The following HS6ST2 variants were observed in gnomAD, a reference collection of about 807,000 sequenced individuals.
The protein encoded by HS6ST2 is heparan sulfate 6-O-sulfotransferase 2, also known as heparan-sulfate 6-O-sulfotransferase 2.
HS6ST2 carries 17 observed loss-of-function variants against 33.0 expected under a neutral mutation model. That is an observed-to-expected ratio of 0.52 (90% CI 0.35 to 0.77). The LOEUF is 0.77. Ranked by LOEUF, HS6ST2 falls within the 30% of genes least tolerant of loss-of-function variation. The pLI, the probability that HS6ST2 is intolerant of heterozygous loss-of-function variation, is 0.01. For missense variants in HS6ST2, 519 were observed against 551.7 expected (o/e 0.94, Z 0.59); for synonymous variants, 248 against 237.1 (o/e 1.05, Z -0.42).
At chrX:132,649,610 T>C (rs1308981309) in intron 4 of HS6ST2, among the ~76,000 whole-genome samples, 1 of 112,121 alleles carries the variant, frequency 8.9e-6, no homozygotes, top group East Asian at 2.8e-4. Context: ...GTAATCCCAG[T>C]ATTTTGAGAG....
intron 2 of HS6ST2, among the ~76,000 whole-genome samples, chrX:132,891,714 C>T (rs1235103782): frequency 1.8e-5 from 2 of 111,655 alleles, no homozygotes; most frequent in Non-Finnish European, 3.8e-5. Flanking sequence ...AGGACATGAA[C>T]TCCTCATTTT....
chrX:132,763,063 A>T (rs2064816949), intron 2 of HS6ST2, among the ~76,000 whole-genome samples: 1 of 111,854 alleles, frequency 8.9e-6, no homozygotes, highest in African/African-American at 3.3e-5. Flanking sequence ...TGTCTGGGAC[A>T]TAGTAAGAGT....
At chrX:132,656,391 G>T (rs2063729872) in intron 4 of HS6ST2, among the ~76,000 whole-genome samples, 2 of 111,103 alleles carry the variant, frequency 1.8e-5, no homozygotes, top group Non-Finnish European at 3.8e-5. Context: ...TCTCTGGCTG[G>T]GTCTACACTG....
chrX:132,793,443 AG>A (rs1443316784), intron 2 of HS6ST2, among the ~76,000 whole-genome samples: 1 of 111,283 alleles, frequency 9.0e-6, no homozygotes, highest in Non-Finnish European at 1.9e-5. Flanking sequence ...GATTTCAGGT[AG>A]AAACAGTACT....
intron 2 of HS6ST2, among the ~76,000 whole-genome samples, chrX:132,909,051 C>T (rs1006728844): frequency 2.2e-4 from 23 of 105,114 alleles, no homozygotes; most frequent in Non-Finnish European, 4.3e-4. Flanking sequence ...GGATTAGGCA[C>T]TTACAGGGCC....
intron 2 of HS6ST2, among the ~76,000 whole-genome samples, chrX:132,709,621 T>C (rs1323564784): frequency 9.0e-6 from 1 of 110,586 alleles, no homozygotes; most frequent in Non-Finnish European, 1.9e-5. Flanking sequence ...GACAAGACAC[T>C]CCTATTAGTG....
At position 132,772,606 on chromosome X, in the gene HS6ST2, CAATATA is replaced by C. The variant is rs764041335; in HGVS notation, c.948-64118_948-64113del. ...GTATTCTATATAATGATATTGTACA[CAATATA>C]AATAATTGTATTCTATATAATGATA... On this transcript the variant is annotated intron_variant, in intron 2 of 4. Coordinates refer to ENST00000370833, the MANE Select transcript of HS6ST2 (RefSeq NM_001394073.1). 3.2e-3 allele frequency among the ~76,000 whole-genome samples: 317 copies of C among 99,758 alleles called. 1 individual carries two copies. The highest frequency in any genetic ancestry group is 0.011 in the African/African-American group (299 of 27,671). The allele number at this position is 99,758 out of a possible 115,157, so 86.6% of individuals were successfully genotyped here.
chrX:132,666,662 C>T (rs1327752148), intron 4 of HS6ST2, among the ~76,000 whole-genome samples: 1 of 111,365 alleles, frequency 9.0e-6, no homozygotes, highest in Non-Finnish European at 1.9e-5. Flanking sequence ...TTATTTTTAG[C>T]CATGATGCAT....
intron 2 of HS6ST2, among the ~76,000 whole-genome samples, chrX:132,816,506 A>T (rs2065396034): frequency 8.9e-6 from 1 of 111,816 alleles, no homozygotes; most frequent in Non-Finnish European, 1.9e-5. Context: ...CCAAATGGGT[A>T]GGGAATGATT....
intron 2 of HS6ST2, among the ~76,000 whole-genome samples, chrX:132,758,488 A>G (rs1261104115): frequency 8.9e-6 from 1 of 112,043 alleles, no homozygotes; most frequent in African/African-American, 3.2e-5. Flanking sequence ...AGTCTTCTCT[A>G]CTCACTTTTC....
intron 4 of HS6ST2, among the ~76,000 whole-genome samples, chrX:132,632,390 G>T (rs2063524430): frequency 9.0e-6 from 1 of 111,540 alleles, no homozygotes; most frequent in Non-Finnish European, 1.9e-5. Flanking sequence ...AGGAAGGCAG[G>T]TAAAGATAAC....
intron 2 of HS6ST2, among the ~76,000 whole-genome samples, chrX:132,906,623 G>A (rs2148466063): frequency 9.0e-6 from 1 of 111,354 alleles, no homozygotes; most frequent in African/African-American, 3.3e-5. Flanking sequence ...AATGGGCTTG[G>A]TGCTATCCTC....
intron 2 of HS6ST2, among the ~76,000 whole-genome samples, chrX:132,729,054 C>T (rs1206880479): frequency 1.8e-5 from 2 of 112,129 alleles, no homozygotes; most frequent in African/African-American, 6.5e-5. Flanking sequence ...CTAAGACTGT[C>T]ACTGTCAAGA....
chrX:132,632,497 G>A (rs1248554601), intron 4 of HS6ST2, among the ~76,000 whole-genome samples: 8 of 110,520 alleles, frequency 7.2e-5, no homozygotes, highest in Non-Finnish European at 1.1e-4. Flanking sequence ...GGGGAATGCA[G>A]CTGGGGTCGG....
At chrX:132,911,787 G>A (rs1003924704) in intron 2 of HS6ST2, among the ~76,000 whole-genome samples, 7 of 110,305 alleles carry the variant, frequency 6.3e-5, no homozygotes, top group African/African-American at 2.3e-4. Context: ...ACAGGTGCCC[G>A]CCACCACGCC....
Position 132,628,985 on chromosome X carries a change from A to G in HS6ST2, c.1176T>C (p.Asp392=), listed in dbSNP as rs2148594081. 2 of 1,208,916 alleles carry G rather than the reference A, an allele frequency of 1.7e-6. No homozygotes were observed. The highest frequency in any genetic ancestry group is 6.0e-5 in the East Asian group (2 of 33,607). Residue 392 remains aspartate, a synonymous_variant, in exon 5 of 5, where the codon GAT becomes GAC. Transcript: ENST00000370833. ...ATWKASLHVC[D]GRPPTSEELP... ...GCTCTTCGGAGGTTGGAGGCCTTCC[A>G]TCGCAGACATGCAGGGATGCTTTCC...
chrX:132,870,464 A>G (rs1054218076), intron 2 of HS6ST2, among the ~76,000 whole-genome samples: 1 of 111,671 alleles, frequency 9.0e-6, no homozygotes, highest in Admixed American at 9.6e-5. Flanking sequence ...AGCCAAGACA[A>G]TCCTAAGCAA....
chrX:132,901,904 A>G (rs1458894874), intron 2 of HS6ST2, among the ~76,000 whole-genome samples: 1 of 110,896 alleles, frequency 9.0e-6, no homozygotes. Context: ...GACCCAGAAT[A>G]TTGCTTTGTA....
chrX:132,827,165 G>T lies in HS6ST2; in HGVS notation c.948-118671C>A, dbSNP rs1312886830. Among the ~76,000 whole-genome samples, 6 of 111,261 alleles carry T rather than the reference G, an allele frequency of 5.4e-5. No homozygotes were observed. The South Asian group carries it at 2.3e-3, about 42-fold the overall frequency. Reference sequence around the variant, plus strand: ...CAAAGGCCCTCCATCCATTTACAAGGACCATTTGTATCTTTATGCTGACAG... The same window carrying T: ...CAAAGGCCCTCCATCCATTTACAAGTACCATTTGTATCTTTATGCTGACAG... On this transcript the variant is annotated intron_variant, in intron 2 of 4. Coordinates refer to ENST00000370833, the MANE Select transcript of HS6ST2 (RefSeq NM_001394073.1).
Sources: gnomAD v4.1 joint callset for allele counts (sites outside exome capture counted in the v4.1 genomes callset) on GRCh38, gnomAD v4.1.1 for gene constraint, MANE v1.5 for transcripts, NCBI Gene and HGNC (gene_info 2026-07-23, HGNC 2026-07-21) for gene names.